ENOX1: variants seen among roughly 807,000 people sequenced by gnomAD.
ENOX1 encodes candidate growth-related and time keeping constitutive hydroquinone (NADH) oxidase.
In ENOX1, 42 loss-of-function variants were observed where a neutral mutation model predicts 82.5. The observed-to-expected ratio is 0.51, with a 90% CI of 0.40 to 0.66. The LOEUF (loss-of-function observed/expected upper bound fraction) is 0.66, where lower values mean the gene tolerates loss of function less well. Ranked by LOEUF, ENOX1 falls within the 30% of genes least tolerant of loss-of-function variation. ENOX1 has a pLI of 0.00. For synonymous variants in ENOX1, 271 were observed against 282.2 expected, an observed-to-expected ratio of 0.96 and a Z score of 0.40; for missense variants, 608 against 811.6, an observed-to-expected ratio of 0.75 and a Z score of 3.05.
chr13:43,597,585 C>G (rs1007279774), intron 2 of ENOX1, among the ~76,000 whole-genome samples: 10 of 152,180 alleles, frequency 6.6e-5, no homozygotes, highest in African/African-American at 2.4e-4. Flanking sequence ...TTATTACCTC[C>G]ATTCCTAACT....
intron 1 of ENOX1, among the ~76,000 whole-genome samples, chr13:43,780,151 A>G (rs2153847156): frequency 6.8e-6 from 1 of 148,116 alleles, no homozygotes; most frequent in Admixed American, 6.8e-5. Context: ...ACAGAGCGAG[A>G]CTCTGTCTCA....
At chr13:43,451,281 G>A (rs2056951871) in intron 3 of ENOX1, among the ~76,000 whole-genome samples, 1 of 152,136 alleles carries the variant, frequency 6.6e-6, no homozygotes, top group South Asian at 2.1e-4. Flanking sequence ...AATTTTATAG[G>A]TAAGGGAACT....
chr13:43,637,660 A>G (rs926688602), intron 2 of ENOX1, among the ~76,000 whole-genome samples: 2 of 152,066 alleles, frequency 1.3e-5, no homozygotes, highest in Non-Finnish European at 2.9e-5. Context: ...AGACTTAAAG[A>G]ATAGCACTCT....
At chr13:43,689,541 A>C (rs968788711) in intron 1 of ENOX1, among the ~76,000 whole-genome samples, 1 of 152,230 alleles carries the variant, frequency 6.6e-6, no homozygotes, top group African/African-American at 2.4e-5. Flanking sequence ...ATTGGATTTA[A>C]GAGAAAATGG....
chr13:43,368,287 C>T (rs746637977), intron 5 of ENOX1, among the ~76,000 whole-genome samples: 1 of 152,184 alleles, frequency 6.6e-6, no homozygotes, highest in Non-Finnish European at 1.5e-5. Context: ...GCTGGCAGAA[C>T]TGAGGAATGC....
chr13:43,539,708 T>C (rs535287094), intron 2 of ENOX1, among the ~76,000 whole-genome samples: 2 of 152,296 alleles, frequency 1.3e-5, no homozygotes, highest in African/African-American at 4.8e-5. Flanking sequence ...ATTTAAACTT[T>C]CTAAATGCTT....
chr13:43,217,485 C>A (rs557497543), intron 16 of ENOX1, among the ~76,000 whole-genome samples: 4 of 152,280 alleles, frequency 2.6e-5, no homozygotes, highest in Admixed American at 2.6e-4. Context: ...GGAAGCAGGA[C>A]AAGGCTTGCA....
chr13:43,612,511 A>AT (rs140050174), intron 2 of ENOX1, among the ~76,000 whole-genome samples: 34,224 of 151,806 alleles, frequency 0.23, 4,225 homozygotes, highest in Non-Finnish European at 0.29. Flanking sequence ...GAAAGGTCCG[A>AT]TTTTTTTTGC....
intron 2 of ENOX1, among the ~76,000 whole-genome samples, chr13:43,496,120 G>T (rs1002188138): frequency 4.6e-5 from 7 of 151,920 alleles, no homozygotes; most frequent in African/African-American, 1.7e-4. Context: ...TCTGTGGCTT[G>T]CCTATTAAAA....
In ENOX1 at chr13:43,432,429, G is replaced by A. The variant is rs995742881; in HGVS notation, c.-74-19441C>T. ...GCCGAGGCAGGTGGATCAATTTGAC[G>A]CCAGTTCGAGACCAGCCTGGCCAAC... is the stretch of plus-strand genomic sequence containing the variant. On this transcript the variant is annotated intron_variant, in intron 3 of 16. Coordinates refer to ENST00000690772, the MANE Select transcript of ENOX1 (RefSeq NM_001347969.2). Among the ~76,000 whole-genome samples, 18 of 152,004 alleles carry A rather than the reference G, an allele frequency of 1.2e-4. No individual in the cohort carries two copies. The Middle Eastern group carries it at 0.014, about 116-fold the overall frequency.
At chr13:43,530,747 T>C (rs1418680378) in intron 2 of ENOX1, among the ~76,000 whole-genome samples, 2 of 152,120 alleles carry the variant, frequency 1.3e-5, no homozygotes, top group African/African-American at 4.8e-5. Flanking sequence ...CAAATTAGCA[T>C]AATTAAGGAT....
chr13:43,391,213 A>G (rs1166625534), intron 5 of ENOX1, among the ~76,000 whole-genome samples: 1 of 151,908 alleles, frequency 6.6e-6, no homozygotes. Context: ...AACGTTGCAC[A>G]CTTCTCTTTT....
At chr13:43,735,276 C>T (rs1355775626) in intron 1 of ENOX1, among the ~76,000 whole-genome samples, 1 of 152,068 alleles carries the variant, frequency 6.6e-6, no homozygotes, top group African/African-American at 2.4e-5. Context: ...TCTAAACAGA[C>T]ATAAAAAATT....
At chr13:43,244,852 C>G (rs543569909) in intron 14 of ENOX1, among the ~76,000 whole-genome samples, 1 of 152,314 alleles carries the variant, frequency 6.6e-6, no homozygotes, top group East Asian at 1.9e-4. Flanking sequence ...GTGCTGTTGG[C>G]TCAGTTCTGC....
intron 14 of ENOX1, among the ~76,000 whole-genome samples, chr13:43,254,251 A>T (rs186658432): frequency 6.2e-4 from 95 of 152,332 alleles, no homozygotes; most frequent in Admixed American, 3.1e-3. Flanking sequence ...AGGTTCGGAC[A>T]TAGAGTTCAC....
At chr13:43,230,245 A>G (rs113514905) in intron 15 of ENOX1, among the ~76,000 whole-genome samples, 53 of 152,258 alleles carry the variant, frequency 3.5e-4, no homozygotes, top group Non-Finnish European at 7.1e-4. Flanking sequence ...TGGTGACATA[A>G]AATTCTCTGG....
At position 43,579,550 on chromosome 13, in the gene ENOX1, T is replaced by C. The variant is rs1593920637; in HGVS notation, c.-219+87929A>G. ...AGGGATTCAGTGTCTTCTCCATACT[T>C]GCAGAACTTCCTGTTTATCTTTCAC... On this transcript the variant is annotated intron_variant, in intron 2 of 16. Transcript: ENST00000690772. Among the ~76,000 whole-genome samples the C allele has an allele frequency of 2.0e-5, 3 of 152,302 alleles. No individual in the cohort carries two copies. The South Asian group carries it at 6.2e-4, about 32-fold the overall frequency.
chr13:43,430,371 G>A (rs2055581320), intron 3 of ENOX1, among the ~76,000 whole-genome samples: 1 of 152,198 alleles, frequency 6.6e-6, no homozygotes, highest in Non-Finnish European at 1.5e-5. Context: ...TTTTGCCCCT[G>A]CCTATTGACC....
intron 3 of ENOX1, among the ~76,000 whole-genome samples, chr13:43,452,906 G>A (rs530534628): frequency 9.9e-5 from 15 of 152,242 alleles, no homozygotes; most frequent in African/African-American, 3.4e-4. Context: ...TGCCACAGGT[G>A]GATGTTTTAG....
Sources: allele counts gnomAD v4.1 joint callset (sites outside exome capture counted in the v4.1 genomes callset), GRCh38; gene constraint gnomAD v4.1.1; transcripts MANE v1.5; gene names NCBI Gene and HGNC (gene_info 2026-07-23, HGNC 2026-07-21).